KHDRBS2: variants seen among roughly 807,000 people sequenced by gnomAD.
The protein encoded by KHDRBS2 is KH domain-containing, RNA-binding, signal transduction-associated protein 2.
In KHDRBS2, 26 loss-of-function variants were observed where a neutral mutation model predicts 44.3. The ratio of observed to expected loss-of-function variants is 0.59; its 90% CI spans 0.43 to 0.81. The LOEUF is 0.81. KHDRBS2 is among the 40% of genes least tolerant of loss of function. The pLI is 0.00. For synonymous variants in KHDRBS2, 194 were observed against 151.1 expected, an observed-to-expected ratio of 1.28 and a Z score of -2.08; for missense variants, 476 against 433.1, an observed-to-expected ratio of 1.10 and a Z score of -0.88.
At chr6:62,084,361 CT>C (rs1477195548) in intron 2 of KHDRBS2, among the ~76,000 whole-genome samples, 2 of 152,152 alleles carry the variant, frequency 1.3e-5, no homozygotes, top group African/African-American at 4.8e-5. Flanking sequence ...TTGGGGAGCT[CT>C]GGTGATAAAA....
intron 7 of KHDRBS2, among the ~76,000 whole-genome samples, chr6:61,725,928 C>A (rs1773471183): frequency 6.6e-6 from 1 of 152,036 alleles, no homozygotes; most frequent in Non-Finnish European, 1.5e-5. Context: ...AAAGGAGGGA[C>A]TCCTCCTAAA....
the KHDRBS2 span, among the ~76,000 whole-genome samples, chr6:61,637,962 A>G: frequency 2.0e-5 from 3 of 151,376 alleles, no homozygotes; most frequent in African/African-American, 7.3e-5. Context: ...GGTTGCGAAA[A>G]TTTTCTCCCA....
intron 4 of KHDRBS2, among the ~76,000 whole-genome samples, chr6:61,968,162 A>G (rs983634016): frequency 1.3e-5 from 2 of 151,844 alleles, no homozygotes; most frequent in African/African-American, 4.8e-5. Flanking sequence ...TTACCATGCC[A>G]GTCCCTCTTT....
chr6:62,273,477 T>A (rs1250673925), intron 1 of KHDRBS2, among the ~76,000 whole-genome samples: 2 of 152,200 alleles, frequency 1.3e-5, no homozygotes, highest in Non-Finnish European at 2.9e-5. Context: ...AATACCCTAT[T>A]TACCCGATAC....
intron 3 of KHDRBS2, among the ~76,000 whole-genome samples, chr6:62,027,306 A>C (rs1584242618): frequency 6.6e-6 from 1 of 152,282 alleles, no homozygotes; most frequent in Admixed American, 6.5e-5. Context: ...TTAAAAATTA[A>C]GTAATCAGGA....
At chr6:62,101,598 G>A (rs1027357715) in intron 2 of KHDRBS2, among the ~76,000 whole-genome samples, 1 of 152,192 alleles carries the variant, frequency 6.6e-6, no homozygotes, top group Non-Finnish European at 1.5e-5. Flanking sequence ...TTCTGGATAT[G>A]TACTCTAGGT....
At chr6:62,155,982 A>G (rs1241529289) in intron 2 of KHDRBS2, among the ~76,000 whole-genome samples, 1 of 152,216 alleles carries the variant, frequency 6.6e-6, no homozygotes, top group Non-Finnish European at 1.5e-5. Flanking sequence ...CATGTGAAAT[A>G]GGTTTGCAGC....
chr6:61,613,265 T>C, the KHDRBS2 span, among the ~76,000 whole-genome samples: 1 of 152,232 alleles, frequency 6.6e-6, no homozygotes. Context: ...CGATAACTTC[T>C]GCTCCTAAAA....
chr6:61,623,689 G>A, the KHDRBS2 span, among the ~76,000 whole-genome samples: 1 of 152,190 alleles, frequency 6.6e-6, no homozygotes, highest in Admixed American at 6.5e-5. Context: ...AGCCCTTTTA[G>A]GGTTCATGTT....
chr6:62,179,482 A>G (rs1157281608), intron 1 of KHDRBS2, among the ~76,000 whole-genome samples: 1 of 151,668 alleles, frequency 6.6e-6, no homozygotes, highest in Non-Finnish European at 1.5e-5. Flanking sequence ...TGATAATTGC[A>G]AAGAAAATCC....
chr6:61,668,177 G>C, the KHDRBS2 span, among the ~76,000 whole-genome samples: 2 of 150,878 alleles, frequency 1.3e-5, no homozygotes, highest in Non-Finnish European at 3.0e-5. Context: ...CAAAAACACT[G>C]TCTCTCAAAC....
intron 4 of KHDRBS2, among the ~76,000 whole-genome samples, chr6:61,932,656 C>T (rs535165425): frequency 2.6e-5 from 4 of 152,116 alleles, no homozygotes; most frequent in South Asian, 2.1e-4. Flanking sequence ...AAAAATTAGC[C>T]GGGCGTGGTG....
At chr6:61,927,504 C>T (rs527339376) in intron 4 of KHDRBS2, among the ~76,000 whole-genome samples, 140 of 152,164 alleles carry the variant, frequency 9.2e-4, no homozygotes, top group African/African-American at 3.3e-3. Flanking sequence ...AAACCTTTTA[C>T]GTAGTCTCCA....
At chr6:62,164,537 C>T (rs1428075228) in intron 2 of KHDRBS2, among the ~76,000 whole-genome samples, 1 of 151,690 alleles carries the variant, frequency 6.6e-6, no homozygotes, top group Non-Finnish European at 1.5e-5. Flanking sequence ...AGGGAACCCC[C>T]TTTTACTTCA....
At chr6:61,925,858 G>A (rs979924514) in intron 4 of KHDRBS2, among the ~76,000 whole-genome samples, 3 of 152,032 alleles carry the variant, frequency 2.0e-5, no homozygotes, top group African/African-American at 7.2e-5. Context: ...AGTAACAGAT[G>A]GTTAGCACAC....
chr6:61,966,978 G>A (rs1240661344), intron 4 of KHDRBS2, among the ~76,000 whole-genome samples: 1 of 151,612 alleles, frequency 6.6e-6, no homozygotes, highest in East Asian at 1.9e-4. Flanking sequence ...TCCTAATTAT[G>A]TTTAATAAAT....
the KHDRBS2 span, chr6:61,652,412 C>T: frequency 6.6e-6 from 1 of 151,730 alleles, no homozygotes; most frequent in African/African-American, 2.4e-5. Flanking sequence ...TATACATATA[C>T]ATGCATCTAC....
At chr6:61,566,379 T>A in the KHDRBS2 span, among the ~76,000 whole-genome samples, 2 of 152,198 alleles carry the variant, frequency 1.3e-5, no homozygotes, top group African/African-American at 4.8e-5. Flanking sequence ...TTAAAATAAC[T>A]GAAGGAATGC....
chr6:61,625,053 C>T, the KHDRBS2 span, among the ~76,000 whole-genome samples: 3 of 151,932 alleles, frequency 2.0e-5, no homozygotes, highest in East Asian at 1.9e-4. Flanking sequence ...TTGCTTTTAC[C>T]GTAAGGGGAG....
Sources: allele counts gnomAD v4.1 joint callset (sites outside exome capture counted in the v4.1 genomes callset), GRCh38; gene constraint gnomAD v4.1.1; transcripts MANE v1.5; gene names NCBI Gene and HGNC (gene_info 2026-07-23, HGNC 2026-07-21).